TRIO: variants seen among roughly 807,000 people sequenced by gnomAD.
TRIO encodes triple functional domain protein.
Under a neutral mutation model 351.9 loss-of-function variants are expected in TRIO, and 58 were observed. That is an observed-to-expected ratio of 0.16 (90% CI 0.13 to 0.21). The LOEUF is 0.21. TRIO is among the 10% of genes least tolerant of loss of function. The pLI, the probability that TRIO is intolerant of heterozygous loss-of-function variation, is 1.00. For synonymous variants in TRIO, 1,758 were observed against 1,595.7 expected, an observed-to-expected ratio of 1.10 and a Z score of -2.42; for missense variants, 3,201 against 4,027.8, an observed-to-expected ratio of 0.79 and a Z score of 5.56.
chr5:14,359,200 A>G (rs1336949077), intron 12 of TRIO, among the ~76,000 whole-genome samples, 157 bp from the exon 13 acceptor site: 2 of 152,246 alleles, frequency 1.3e-5, no homozygotes, highest in Non-Finnish European at 2.9e-5. Flanking sequence ...AGGAAGCCTA[A>G]TATTGTTTTG....
intron 8 of TRIO, among the ~76,000 whole-genome samples, chr5:14,306,344 A>T (rs1738367641): frequency 6.6e-6 from 1 of 152,250 alleles, no homozygotes; most frequent in Non-Finnish European, 1.5e-5. Context: ...TAAATAAGTG[A>T]TAGCCTTTTC....
chr5:14,326,258 G>A (rs112149892), intron 9 of TRIO, among the ~76,000 whole-genome samples: 5,540 of 152,276 alleles, frequency 0.036, 305 homozygotes, highest in African/African-American at 0.13. Context: ...GATGATTGCT[G>A]GTCAAATGAC....
intron 34 of TRIO, chr5:14,441,286 C>G (rs1245982919): frequency 1.3e-5 from 2 of 153,670 alleles, no homozygotes; most frequent in Non-Finnish European, 2.9e-5. Context: ...ACGCTGGACT[C>G]GCTGTCCTCT....
intron 1 of TRIO, among the ~76,000 whole-genome samples, chr5:14,224,173 A>G (rs1275034906): frequency 6.6e-6 from 1 of 151,978 alleles, no homozygotes; most frequent in Non-Finnish European, 1.5e-5. Context: ...ACACATTATT[A>G]TTATATTATT....
At chr5:14,320,302 T>C (rs1470998485) in intron 9 of TRIO, among the ~76,000 whole-genome samples, 2 of 152,196 alleles carry the variant, frequency 1.3e-5, no homozygotes, top group Non-Finnish European at 2.9e-5. Context: ...AGATGGGTAG[T>C]AGTAGTCCAA....
rs30799 is a variant in TRIO, at chr5:14,390,698, C to T, written c.4129-203C>T. Among the ~76,000 whole-genome samples the T allele has an allele frequency of 0.32, 47,989 of 151,996 alleles. 8,073 individuals carry two copies. The highest frequency in any genetic ancestry group is 0.41 in the African/African-American group (17,133 of 41,442). ...AAGAGAGGACTGGTGCTCAGCCCGA[C>T]GTGTCGGGGTCGGGGAGGCTGCTGC... is the stretch of plus-strand genomic sequence containing the variant. On this transcript the variant is annotated intron_variant, in intron 26 of 56. Coordinates refer to ENST00000344204, the MANE Select transcript of TRIO (RefSeq NM_007118.4).
chr5:14,507,043 A>G (rs1189820130), intron 55 of TRIO, 79 bp from the exon 56 acceptor site: 1 of 1,482,348 alleles, frequency 6.7e-7, no homozygotes, highest in African/African-American at 1.4e-5. Context: ...GACAGGTCCG[A>G]CATGTTTACT....
chr5:14,393,989 A>C, intron 27 of TRIO, 49 bp from the exon 28 acceptor site: 2 of 1,268,368 alleles, frequency 1.6e-6, no homozygotes, highest in Non-Finnish European at 2.3e-6. Context: ...CCATGATTTA[A>C]TAGTGTAGCC....
chr5:14,233,623 G>A (rs1477029915), intron 1 of TRIO, among the ~76,000 whole-genome samples: 1 of 151,712 alleles, frequency 6.6e-6, no homozygotes, highest in Non-Finnish European at 1.5e-5. Context: ...TTTCACAGTG[G>A]CACACTGAAT....
intron 1 of TRIO, among the ~76,000 whole-genome samples, chr5:14,194,518 C>G (rs1486762810): frequency 6.6e-6 from 1 of 152,156 alleles, no homozygotes; most frequent in East Asian, 1.9e-4. Context: ...CTGGATATCT[C>G]TAGATATCTA....
chr5:14,359,507 C>T lies in TRIO; in HGVS notation c.2367C>T (p.Arg789=). Reference sequence around the variant, plus strand: ...AGCTGGAGCTCTTCCTGCAGCTGCGCATCTTCGAGAGGGACGCCATCGACG... The same window carrying T: ...AGCTGGAGCTCTTCCTGCAGCTGCGTATCTTCGAGAGGGACGCCATCGACG... The part of the protein sequence containing the change: ...KIKLELFLQL[R]IFERDAIDII... The change falls in exon 13 of 57, where the codon CGC becomes CGT. Residue 789 remains arginine (R), a synonymous_variant. Transcript: ENST00000344204. The T allele has an allele frequency of 6.2e-7, 1 of 1,614,176 alleles. No individual in the cohort carries two copies. The highest frequency in any genetic ancestry group is 1.1e-5 in the South Asian group (1 of 91,086).
intron 18 of TRIO, among the ~76,000 whole-genome samples, chr5:14,373,992 C>T (rs1745344723): frequency 6.6e-6 from 1 of 152,182 alleles, no homozygotes; most frequent in South Asian, 2.1e-4. Flanking sequence ...CTGTTTCCTG[C>T]CCCATGGGCC....
intron 47 of TRIO, among the ~76,000 whole-genome samples, chr5:14,486,244 G>T (rs535421702): frequency 3.9e-5 from 6 of 152,238 alleles, no homozygotes; most frequent in African/African-American, 1.2e-4. Context: ...TCGTATTCAC[G>T]GTCTGCATCT....
At chr5:14,281,286 C>T (rs144419995) in intron 3 of TRIO, among the ~76,000 whole-genome samples, 2 of 152,262 alleles carry the variant, frequency 1.3e-5, no homozygotes, top group African/African-American at 4.8e-5. Flanking sequence ...AAGGGGGAAG[C>T]AGGCACATCC....
chr5:14,462,633 TA>T, intron 35 of TRIO, 121 bp from the exon 36 acceptor site: 1 of 1,360,624 alleles, frequency 7.3e-7, no homozygotes, highest in Middle Eastern at 2.0e-4. Flanking sequence ...AGGTCGAGAA[TA>T]GCTTTGTTCC....
chr5:14,283,338 A>T (rs1293772009), intron 3 of TRIO, among the ~76,000 whole-genome samples: 2 of 152,134 alleles, frequency 1.3e-5, no homozygotes, highest in Non-Finnish European at 1.5e-5. Context: ...TTCCTCAGTT[A>T]GACAGTCACA....
intron 6 of TRIO, among the ~76,000 whole-genome samples, chr5:14,294,643 A>C (rs1356847845): frequency 1.3e-5 from 2 of 152,184 alleles, no homozygotes; most frequent in African/African-American, 4.8e-5. Flanking sequence ...AGACAGGAAA[A>C]TGGGTTGTGG....
chr5:14,482,570 T>A lies in TRIO; in HGVS notation c.6466-12T>A. The A allele has an allele frequency of 7.0e-7, 1 of 1,427,022 alleles. No homozygotes were observed. The highest frequency in any genetic ancestry group is 9.3e-7 in the Non-Finnish European group (1 of 1,077,938). 88.4% of individuals were successfully genotyped at this position (1,427,022 alleles called of 1,614,324 possible). On this transcript the variant is annotated splice_polypyrimidine_tract_variant and intron_variant, in intron 45 of 56. Transcript: ENST00000344204. The stretch of plus-strand genomic sequence containing the variant: ...TCTCCCCTTCCTTTTCCCCCTTTAT[T>A]TCTTGTTTTAGGGGAAAATCGTTGC...
chr5:14,507,872 A>G lies in TRIO; in HGVS notation c.8752-8A>G. On this transcript the variant is annotated splice_region_variant and splice_polypyrimidine_tract_variant and intron_variant, in intron 56 of 56. Transcript: ENST00000344204. The stretch of plus-strand genomic sequence containing the variant: ...GTCTGAAAATGACAGTTGTATTCTG[A>G]TTTCCAGCCTGAGAATATCCTGGTG... The G allele has an allele frequency of 6.2e-7, 1 of 1,609,550 alleles. No individual in the cohort carries two copies. Among genetic ancestry groups the G allele is most frequent in the South Asian group, 1.1e-5 (1 of 90,350 alleles).
Sources: gnomAD v4.1 joint callset for allele counts (sites outside exome capture counted in the v4.1 genomes callset) on GRCh38, gnomAD v4.1.1 for gene constraint, MANE v1.5 for transcripts, NCBI Gene and HGNC (gene_info 2026-07-23, HGNC 2026-07-21) for gene names.